The following TMEM131 variants were observed in gnomAD, a reference collection of about 807,000 sequenced individuals.
The protein encoded by TMEM131 is 2610524E03Rik.
TMEM131 carries 66 observed loss-of-function variants against 211.6 expected under a neutral mutation model. The ratio of observed to expected loss-of-function variants is 0.31; its 90% confidence interval spans 0.26 to 0.38. TMEM131 has a LOEUF of 0.38. TMEM131 is among the 10% of genes least tolerant of loss of function. TMEM131 has a pLI of 1.00. For missense variants in TMEM131, 2,036 were observed against 2,299.3 expected (o/e 0.89, Z 2.34); for synonymous variants, 844 against 841.3 (o/e 1.00, Z -0.06).
chr2:97,976,694 T>G (rs1002239198), intron 1 of TMEM131, among the ~76,000 whole-genome samples: 3 of 152,112 alleles, frequency 2.0e-5, no homozygotes, highest in Non-Finnish European at 4.4e-5. Flanking sequence ...GGATCTTGAA[T>G]AGGCAAAACT....
intron 1 of TMEM131, among the ~76,000 whole-genome samples, chr2:97,959,309 G>A (rs990581752): frequency 1.3e-5 from 2 of 152,190 alleles, no homozygotes; most frequent in African/African-American, 4.8e-5. Flanking sequence ...GGTCATCTGT[G>A]TCTCTGGGGA....
chr2:97,781,640 T>C (rs1474562876), intron 31 of TMEM131, among the ~76,000 whole-genome samples: 1 of 152,200 alleles, frequency 6.6e-6, no homozygotes, highest in East Asian at 1.9e-4. Flanking sequence ...ATGGAGTAGA[T>C]CTTTTCCTTA....
At chr2:97,768,736 G>A (rs909516107) in intron 33 of TMEM131, among the ~76,000 whole-genome samples, 2 of 152,078 alleles carry the variant, frequency 1.3e-5, no homozygotes, top group Non-Finnish European at 2.9e-5. Context: ...GATTACAGGT[G>A]TGTGCCACCA....
intron 1 of TMEM131, among the ~76,000 whole-genome samples, chr2:97,943,053 G>GAAAGAAAGAAAGA (rs1559464551): frequency 1.2e-4 from 8 of 66,136 alleles, no homozygotes; most frequent in Non-Finnish European, 2.1e-4. Context: ...AAGAAAGAAA[G>GAAAGAAAGAAAGA]AAAGAAAGAA....
chr2:97,948,707 G>T (rs1678163841), intron 1 of TMEM131, among the ~76,000 whole-genome samples: 2 of 152,082 alleles, frequency 1.3e-5, no homozygotes, highest in South Asian at 4.1e-4. Flanking sequence ...GCCCAGGCTG[G>T]AGTGCAGTGG....
chr2:97,934,366 A>G (rs922058804), intron 1 of TMEM131, among the ~76,000 whole-genome samples: 2 of 152,122 alleles, frequency 1.3e-5, no homozygotes, highest in African/African-American at 4.8e-5. Context: ...GATGAAATAA[A>G]TCAAAGAAGA....
rs1038215576 is a variant in TMEM131, at chr2:97,917,759, G to A, written c.250-9061C>T. Among the ~76,000 whole-genome samples, 4 of 152,208 alleles carry A rather than the reference G, an allele frequency of 2.6e-5. No individual in the cohort carries two copies. In the South Asian group the frequency reaches 6.2e-4, roughly 24 times the overall value. On this transcript the variant is annotated intron_variant, in intron 2 of 40. Coordinates refer to ENST00000186436, the MANE Select transcript of TMEM131 (RefSeq NM_015348.2). ...TCACAAGAACAGCATGGGAGTAACC[G>A]CCGCCATGATTCAATTACCTCCCAG... is the stretch of plus-strand genomic sequence containing the variant.
chr2:97,761,915 G>T, intron 36 of TMEM131, 120 bp downstream of exon 36: 3 of 1,174,480 alleles, frequency 2.6e-6, no homozygotes, highest in Non-Finnish European at 2.3e-6. Flanking sequence ...CAAGCTGGCA[G>T]CCATCAGAAG....
chr2:97,943,710 G>A (rs1458116426), intron 1 of TMEM131, among the ~76,000 whole-genome samples: 1 of 152,156 alleles, frequency 6.6e-6, no homozygotes, highest in African/African-American at 2.4e-5. Context: ...AAGACACAAT[G>A]GAGGACTCAA....
chr2:97,856,293 A>G (rs373306557), intron 5 of TMEM131, among the ~76,000 whole-genome samples: 11 of 152,290 alleles, frequency 7.2e-5, no homozygotes, highest in East Asian at 5.8e-4. Context: ...AATTATATTC[A>G]ATTAACAGAT....
In TMEM131 at chr2:97,805,105, C is replaced by T. The variant is rs1259254651; in HGVS notation, c.2385G>A (p.Lys795=). The T allele has an allele frequency of 1.2e-6, 2 of 1,611,642 alleles. No homozygotes were observed. Among genetic ancestry groups the T allele is most frequent in the Admixed American group, 1.7e-5 (1 of 59,448 alleles). Residue 795 remains lysine, a synonymous_variant, in exon 22 of 41, where the codon AAG becomes AAA. Coordinates refer to ENST00000186436, the MANE Select transcript of TMEM131 (RefSeq NM_015348.2). The stretch of plus-strand genomic sequence containing the variant: ...CCACTCACCTATGACCTGAATTTTC[C>T]TTTATTCCTGTCCATCCCTTGAACA... ...QSLFKGWTGI[K]ENSGHRLSAI...
At position 97,811,157 on chromosome 2, in the gene TMEM131, C is replaced by T. The variant is rs753679431; in HGVS notation, c.1939G>A (p.Gly647Arg). ...TAKKLEGIHD[G>R]AIQITTDYEI... ...TAGTCTGTTGTGATCTGGATGGCTC[C>T]ATCATGAATCCCCTCTAATTTTTTT... The change falls in exon 18 of 41, where the codon GGA becomes AGA. Residue 647 changes from glycine (G) to arginine (R), a missense_variant. This residue lies in a region of TMEM131 where 1,623 missense variants were observed against 1,805.9 expected (regional missense o/e 0.90). Coordinates refer to ENST00000186436, the MANE Select transcript of TMEM131 (RefSeq NM_015348.2). 6.2e-7 allele frequency: 1 copy of T among 1,613,556 alleles called. No individual in the cohort carries two copies. The highest frequency in any genetic ancestry group is 1.3e-5 in the African/African-American group (1 of 74,884).
At chr2:97,811,349 G>A (rs532080926) in intron 17 of TMEM131, 117 bp from the exon 18 acceptor site, 34 of 732,594 alleles carry the variant, frequency 4.6e-5, no homozygotes, top group Non-Finnish European at 8.1e-5. Context: ...ATACCAGTAT[G>A]ACACTGAATT....
At chr2:97,799,654 G>T (rs116042410) in intron 25 of TMEM131, among the ~76,000 whole-genome samples, 1 of 152,188 alleles carries the variant, frequency 6.6e-6, no homozygotes, top group South Asian at 2.1e-4. Flanking sequence ...GATGAGCCTG[G>T]TGGTTAGATT....
At chr2:97,928,663 C>G (rs774133673) in intron 1 of TMEM131, among the ~76,000 whole-genome samples, 2 of 151,730 alleles carry the variant, frequency 1.3e-5, no homozygotes, top group Admixed American at 1.3e-4. Flanking sequence ...ACCATACACA[C>G]GCAATGTATT....
chr2:97,803,301 T>C (rs1339485472), intron 22 of TMEM131, among the ~76,000 whole-genome samples: 2 of 152,226 alleles, frequency 1.3e-5, no homozygotes, highest in Admixed American at 6.5e-5. Flanking sequence ...TATGGCTTTT[T>C]TCCCCCTTGA....
At chr2:97,920,976 T>A (rs893147729) in intron 2 of TMEM131, among the ~76,000 whole-genome samples, 2 of 145,036 alleles carry the variant, frequency 1.4e-5, no homozygotes, top group Non-Finnish European at 3.1e-5. Flanking sequence ...CCCGAGTGTG[T>A]GTGTGTGTGT....
At chr2:97,783,605 C>T (rs1680114096) in intron 31 of TMEM131, among the ~76,000 whole-genome samples, 1 of 151,698 alleles carries the variant, frequency 6.6e-6, no homozygotes, top group Admixed American at 6.6e-5. Flanking sequence ...ATAATGTATA[C>T]CTAGAGCAAC....
At position 97,760,806 on chromosome 2, in the gene TMEM131, G is replaced by A. The variant is rs752698713; in HGVS notation, c.4998C>T (p.Tyr1666=). Residue 1666 remains tyrosine, a synonymous_variant, in exon 37 of 41, where the codon TAC becomes TAT. Transcript: ENST00000186436. ...NPTFAAVTAG[Y]DKSPGGNGFA... is the part of the protein sequence containing the mutation. ...AAAGGCACTGACCTGGGCTCTTGTC[G>A]TAGCCAGCCGTGACTGCAGCAAAAG... is the stretch of plus-strand genomic sequence containing the variant. 22 of 1,613,892 alleles carry A rather than the reference G, an allele frequency of 1.4e-5. No individual in the cohort carries two copies. Among genetic ancestry groups the A allele is most frequent in the African/African-American group, 5.3e-5 (4 of 74,950 alleles).
Sources: allele counts gnomAD v4.1 joint callset (sites outside exome capture counted in the v4.1 genomes callset), GRCh38; gene constraint gnomAD v4.1.1; regional missense constraint gnomAD v4.1.1; transcripts MANE v1.5; gene names NCBI Gene and HGNC (gene_info 2026-07-23, HGNC 2026-07-21).